AMACR: variants seen among roughly 807,000 people sequenced by gnomAD.
AMACR encodes the protein alpha-methylacyl-CoA racemase.
AMACR carries 18 observed loss-of-function variants against 22.2 expected under a neutral mutation model. The observed-to-expected ratio is 0.81, with a 90% CI of 0.56 to 1.20. The LOEUF is 1.20. Among genes scored for constraint, AMACR ranks in the 50% most tolerant of loss-of-function variants. The pLI is 0.00. For missense variants in AMACR, 499 were observed against 490.6 expected (o/e 1.02, Z -0.16); for synonymous variants, 213 against 191.3 (o/e 1.11, Z -0.94).
chr5:34,002,766 A>G (rs571904509), intron 3 of AMACR, among the ~76,000 whole-genome samples: 2 of 152,194 alleles, frequency 1.3e-5, no homozygotes, highest in Non-Finnish European at 2.9e-5. Flanking sequence ...TATCTCATGC[A>G]GCGACTATGC....
intron 4 of AMACR, among the ~76,000 whole-genome samples, chr5:33,991,847 T>C (rs1753486256): frequency 6.6e-6 from 1 of 151,842 alleles, no homozygotes; most frequent in Non-Finnish European, 1.5e-5. Context: ...TTCACGCCAT[T>C]CTTCCACCTC....
intron 1 of AMACR, among the ~76,000 whole-genome samples, chr5:34,006,508 T>A (rs1362053620): frequency 1.3e-5 from 2 of 152,174 alleles, no homozygotes; most frequent in Non-Finnish European, 2.9e-5. Flanking sequence ...CAAAATTACA[T>A]AATAAACTCA....
chr5:33,994,867 T>A lies in AMACR; in HGVS notation c.739+3774A>T, dbSNP rs114658625. On this transcript the variant is annotated intron_variant, in intron 4 of 4. Transcript: ENST00000335606. ...CAATGACCCTGCTAGAAAAATGTTG[T>A]CTTGTTTCATTTTCAGTGTTTCCAG... 1.7e-3 allele frequency among the ~76,000 whole-genome samples: 262 copies of A among 152,296 alleles called. 1 individual carries two copies. Among genetic ancestry groups the A allele is most frequent in the African/African-American group, 5.9e-3 (245 of 41,562 alleles).
At chr5:34,005,244 C>T (rs1301080140) in intron 2 of AMACR, among the ~76,000 whole-genome samples, 1 of 152,158 alleles carries the variant, frequency 6.6e-6, no homozygotes, top group Non-Finnish European at 1.5e-5. Context: ...GGAATCAGGC[C>T]TATCTCACAT....
At chr5:33,990,507 T>A (rs1753442121) in intron 4 of AMACR, among the ~76,000 whole-genome samples, 1 of 152,082 alleles carries the variant, frequency 6.6e-6, no homozygotes, top group East Asian at 1.9e-4. Flanking sequence ...CCAGTTCTGA[T>A]TAAATTATAC....
At chr5:33,996,505 G>A (rs987559629) in intron 4 of AMACR, among the ~76,000 whole-genome samples, 2 of 152,146 alleles carry the variant, frequency 1.3e-5, no homozygotes, top group African/African-American at 4.8e-5. Context: ...GCATTTAAGG[G>A]CCAGGCGCAG....
chr5:33,989,357 A>C lies in AMACR; in HGVS notation c.885T>G (p.Thr295=). 6.2e-7 allele frequency: 1 copy of C among 1,614,186 alleles called. No individual in the cohort carries two copies. The highest frequency in any genetic ancestry group is 1.3e-5 in the African/African-American group (1 of 75,032). The change falls in exon 5 of 5, where the codon ACT becomes ACG. Residue 295 remains threonine, a synonymous_variant. Coordinates refer to ENST00000335606, the MANE Select transcript of AMACR (RefSeq NM_014324.6). ...QIFDGTDACV[T]PVLTFEEVVH... is the part of the protein sequence containing the mutation. ...CAACCTCCTCAAAAGTCAGAACCGG[A>C]GTCACACAGGCATCTGTGCCGTCAA... is the stretch of plus-strand genomic sequence containing the variant.
At chr5:34,002,663 C>T (rs1162387654) in intron 3 of AMACR, among the ~76,000 whole-genome samples, 1 of 152,174 alleles carries the variant, frequency 6.6e-6, no homozygotes, top group Non-Finnish European at 1.5e-5. Flanking sequence ...ATGATAGTAG[C>T]ACGTCTCCCT....
chr5:34,005,636 C>G (rs1243545383), intron 2 of AMACR, 120 bp downstream of exon 2: 38 of 1,261,348 alleles, frequency 3.0e-5, no homozygotes, highest in Non-Finnish European at 3.5e-5. Context: ...CACCCATGCT[C>G]TCTTGATTGA....
rs1243235110 is a variant in AMACR at position 33,986,435 on chromosome 5, C to T, written c.*2658G>A. ...AGGTCTGTTTTGTTCATTATGGTAT[C>T]CCCAGCAAGTATCATGATACCTGGC... On this transcript the variant is annotated 3_prime_UTR_variant, in exon 5 of 5. Transcript: ENST00000335606. The T allele has an allele frequency of 6.6e-6, 1 of 152,162 alleles. No homozygotes were observed. Among genetic ancestry groups the T allele is most frequent in the Non-Finnish European group, 1.5e-5 (1 of 68,016 alleles). The allele number at this position is 152,162 out of a possible 1,614,324, so 9.4% of individuals were successfully genotyped here.
At position 33,987,347 on chromosome 5, in the gene AMACR, A is replaced by C. The variant is rs1753323149; in HGVS notation, c.*1746T>G. On this transcript the variant is annotated 3_prime_UTR_variant, in exon 5 of 5. Coordinates refer to ENST00000335606, the MANE Select transcript of AMACR (RefSeq NM_014324.6). ...ACAAGACTGAAGGCTAGAATATGAA[A>C]GCTTAAATTCTGATTCTGCCCCTTC... 6.6e-6 allele frequency: 1 copy of C among 152,254 alleles called. No homozygotes were observed. The highest frequency in any genetic ancestry group is 2.1e-4 in the South Asian group (1 of 4,836). 9.4% of individuals were successfully genotyped at this position (152,254 alleles called of 1,614,324 possible).
intron 1 of AMACR, 40 bp from the exon 2 acceptor site, chr5:34,005,939 T>G (rs1044741280): frequency 3.1e-6 from 5 of 1,610,804 alleles, no homozygotes; most frequent in Admixed American, 3.3e-5. Context: ...AGAGTATGAA[T>G]TGAGGATGGA....
chr5:34,006,568 A>G (rs1239979612), intron 1 of AMACR, among the ~76,000 whole-genome samples: 1 of 152,236 alleles, frequency 6.6e-6, no homozygotes, highest in Non-Finnish European at 1.5e-5. Flanking sequence ...ACCTCTAGTC[A>G]TCTACCTAAA....
At chr5:34,007,486 A>G (rs1429674422) in intron 1 of AMACR, among the ~76,000 whole-genome samples, 1 of 152,344 alleles carries the variant, frequency 6.6e-6, no homozygotes, top group African/African-American at 2.4e-5. Flanking sequence ...AGAAAGGCAA[A>G]TACGGAACGT....
At position 33,989,196 on chromosome 5, in the gene AMACR, T is replaced by C; in HGVS notation, c.1046A>G (p.His349Arg). 1 of 1,614,196 alleles carries C rather than the reference T, an allele frequency of 6.2e-7. No individual in the cohort carries two copies. Among genetic ancestry groups the C allele is most frequent in the Admixed American group, 1.7e-5 (1 of 60,010 alleles). Residue 349 changes from histidine (H) to arginine (R), a missense_variant, in exon 5 of 5, where the codon CAC becomes CGC. His to Arg is a conservative substitution (Grantham distance 29). Transcript: ENST00000335606. Reference sequence around the variant, plus strand: ...AAATTCTTCAAGTATCTCCTCAGTGTGTTCTCCTATGAAAGGATCCCTTTT... The same window carrying C: ...AAATTCTTCAAGTATCTCCTCAGTGCGTTCTCCTATGAAAGGATCCCTTTT... ...SFKRDPFIGE[H>R]TEEILEEFGF...
At chr5:33,992,861 G>A (rs1422596951) in intron 4 of AMACR, among the ~76,000 whole-genome samples, 1 of 150,774 alleles carries the variant, frequency 6.6e-6, no homozygotes, top group East Asian at 1.9e-4. Flanking sequence ...TTTTTTCCTA[G>A]CAAACATATA....
At chr5:34,000,779 C>G (rs1753791937) in intron 3 of AMACR, among the ~76,000 whole-genome samples, 1 of 152,248 alleles carries the variant, frequency 6.6e-6, no homozygotes, top group African/African-American at 2.4e-5. Flanking sequence ...AGACAATCAC[C>G]CATAAACTCT....
intron 4 of AMACR, chr5:33,994,067 T>C (rs1376995862): frequency 2.2e-6 from 1 of 456,218 alleles, no homozygotes; most frequent in Non-Finnish European, 4.4e-6. Context: ...AAAAAGATTT[T>C]GCATACTTAT....
In AMACR at chr5:33,987,133, C is replaced by CCA. The variant is rs1480405576; in HGVS notation, c.*1958_*1959dup. On this transcript the variant is annotated 3_prime_UTR_variant, in exon 5 of 5. Coordinates refer to ENST00000335606, the MANE Select transcript of AMACR (RefSeq NM_014324.6). ...CCTGGGCTCAAGTGATCCTCCTGCC[C>CCA]CACCCTTGAGTAGATAGGACTACAG... 6.6e-6 allele frequency: 1 copy of CCA among 152,296 alleles called. No homozygotes were observed. Among genetic ancestry groups the CCA allele is most frequent in the Non-Finnish European group, 1.5e-5 (1 of 68,288 alleles). 9.4% of individuals were successfully genotyped at this position (152,296 alleles called of 1,614,324 possible). A position where few individuals can be genotyped will look rare whatever the true frequency, so the allele number is the denominator to read the frequency against.
Sources: gnomAD v4.1 joint callset for allele counts (sites outside exome capture counted in the v4.1 genomes callset) on GRCh38, gnomAD v4.1.1 for gene constraint, MANE v1.5 for transcripts, NCBI Gene and HGNC (gene_info 2026-07-23, HGNC 2026-07-21) for gene names.